The following LIN28B variants were observed in gnomAD, a reference collection of about 807,000 sequenced individuals.
The protein encoded by LIN28B is lin-28 RNA binding posttranscriptional regulator B, also known as protein lin-28 homolog B.
Under a neutral mutation model 21.9 loss-of-function variants are expected in LIN28B, and 5 were observed. That is an observed-to-expected ratio of 0.23 (90% CI 0.12 to 0.48). The LOEUF is 0.48. Among genes scored for constraint, LIN28B ranks in the 20% least tolerant of loss-of-function variants. The pLI is 0.98. For synonymous variants in LIN28B, 109 were observed against 111.3 expected (o/e 0.98, Z 0.13); for missense variants, 245 against 310.5 (o/e 0.79, Z 1.58).
chr6:104,995,848 G>A (rs942907557), intron 2 of LIN28B, among the ~76,000 whole-genome samples: 13 of 151,804 alleles, frequency 8.6e-5, no homozygotes, highest in African/African-American at 3.1e-4. Flanking sequence ...AAAAAAAATA[G>A]CTAAAGCCAA....
At chr6:105,039,131 A>G (rs1043714408) in intron 3 of LIN28B, among the ~76,000 whole-genome samples, 6 of 152,206 alleles carry the variant, frequency 3.9e-5, no homozygotes, top group African/African-American at 9.7e-5. Context: ...TTAAAAAATG[A>G]GATAGAATAA....
chr6:105,082,772 G>T lies in LIN28B; in HGVS notation c.*3989G>T, dbSNP rs901655554. 1 of 152,648 alleles carries T rather than the reference G, an allele frequency of 6.6e-6. No individual in the cohort carries two copies. Among genetic ancestry groups the T allele is most frequent in the Non-Finnish European group, 1.5e-5 (1 of 68,042 alleles). The allele number at this position is 152,648 out of a possible 1,614,324, so 9.5% of individuals were successfully genotyped here. A position where few individuals can be genotyped will look rare whatever the true frequency, so the allele number is the denominator to read the frequency against. On this transcript the variant is annotated 3_prime_UTR_variant, in exon 4 of 4. Coordinates refer to ENST00000345080, the MANE Select transcript of LIN28B (RefSeq NM_001004317.4). ...TAAATTTTATATTTGGAACAAAGCT[G>T]CAAGTTATGGTAAAGTACTGTACTG...
At chr6:105,058,191 G>C in intron 3 of LIN28B, 1 of 275,292 alleles carries the variant, frequency 3.6e-6, no homozygotes, top group Non-Finnish European at 7.2e-6. Flanking sequence ...TTCTCAGCTT[G>C]AGTTGTAGCC....
intron 2 of LIN28B, among the ~76,000 whole-genome samples, chr6:104,973,916 T>A (rs1355306684): frequency 2.0e-5 from 3 of 152,228 alleles, no homozygotes; most frequent in Non-Finnish European, 4.4e-5. Flanking sequence ...CATTGGATGG[T>A]TAAGTAGTTT....
rs564935084 is a variant in LIN28B at position 104,991,101 on chromosome 6, G to A, written c.198+32815G>A. Among the ~76,000 whole-genome samples, 28 of 151,958 alleles carry A rather than the reference G, an allele frequency of 1.8e-4. No homozygotes were observed. In the East Asian group the frequency reaches 4.1e-3, roughly 22 times the overall value. On this transcript the variant is annotated intron_variant, in intron 2 of 3. Transcript: ENST00000345080. ...TACACCTCCCAGACGGGGTGGCGGC[G>A]GGCAGAGGGGCTCCTCACTTCCCAG... is the stretch of plus-strand genomic sequence containing the variant.
intron 2 of LIN28B, among the ~76,000 whole-genome samples, chr6:104,959,766 T>G (rs1378497520): frequency 6.6e-6 from 1 of 152,220 alleles, no homozygotes; most frequent in East Asian, 1.9e-4. Context: ...CAAATCCATT[T>G]TCTCTCAGGC....
intron 3 of LIN28B, among the ~76,000 whole-genome samples, chr6:105,054,992 G>T (rs1050612074): frequency 1.3e-5 from 2 of 151,776 alleles, no homozygotes; most frequent in African/African-American, 4.8e-5. Flanking sequence ...CTTGTCAACT[G>T]GTCTTCATTA....
intron 3 of LIN28B, among the ~76,000 whole-genome samples, chr6:105,038,402 G>T (rs1462601500): frequency 6.6e-6 from 1 of 152,200 alleles, no homozygotes; most frequent in Admixed American, 6.5e-5. Context: ...CTGCCTCCGA[G>T]TGGACCAGTG....
chr6:104,982,165 C>A (rs951646956), intron 2 of LIN28B, among the ~76,000 whole-genome samples: 2 of 151,904 alleles, frequency 1.3e-5, no homozygotes, highest in African/African-American at 4.8e-5. Context: ...GTATAAAAAA[C>A]TTGCTGGGCG....
intron 3 of LIN28B, chr6:105,045,689 G>A (rs1771745474): frequency 2.0e-5 from 3 of 152,164 alleles, no homozygotes; most frequent in Admixed American, 1.3e-4. Context: ...CATATTAAAA[G>A]AGTTAATCAT....
intron 3 of LIN28B, among the ~76,000 whole-genome samples, chr6:105,042,740 T>G (rs1203026729): frequency 6.6e-6 from 1 of 152,210 alleles, no homozygotes; most frequent in East Asian, 1.9e-4. Flanking sequence ...TATCTTCAGA[T>G]GTCAGTGGGA....
chr6:104,965,841 G>GA (rs1769845565), intron 2 of LIN28B, among the ~76,000 whole-genome samples: 1 of 152,094 alleles, frequency 6.6e-6, no homozygotes, highest in African/African-American at 2.4e-5. Flanking sequence ...ATAAGCTAAA[G>GA]AAAAAATACT....
Position 105,049,923 on chromosome 6 carries a change from A to G in LIN28B, c.383+23441A>G, listed in dbSNP as rs190086660. Among the ~76,000 whole-genome samples, 230 of 152,272 alleles carry G rather than the reference A, an allele frequency of 1.5e-3. 1 individual carries two copies. The highest frequency in any genetic ancestry group is 4.9e-3 in the African/African-American group (204 of 41,542). ...TGCACGTGAGATGGGTTTCCTGAAT[A>G]CAGCACACTGATGGGTCTTGACTTT... is the stretch of plus-strand genomic sequence containing the variant. On this transcript the variant is annotated intron_variant, in intron 3 of 3. Coordinates refer to ENST00000345080, the MANE Select transcript of LIN28B (RefSeq NM_001004317.4).
intron 2 of LIN28B, among the ~76,000 whole-genome samples, chr6:104,973,364 G>T (rs1362842396): frequency 2.0e-5 from 3 of 151,962 alleles, no homozygotes; most frequent in Non-Finnish European, 2.9e-5. Flanking sequence ...GATTTATATT[G>T]TTCAATTTTC....
chr6:105,042,541 C>T (rs1003126968), intron 3 of LIN28B, among the ~76,000 whole-genome samples: 1 of 152,056 alleles, frequency 6.6e-6, no homozygotes, highest in African/African-American at 2.4e-5. Context: ...TTTCATCTGT[C>T]GTCTTGCTTT....
intron 2 of LIN28B, among the ~76,000 whole-genome samples, chr6:104,961,550 G>A (rs1195066171): frequency 1.3e-5 from 2 of 151,842 alleles, no homozygotes; most frequent in Admixed American, 6.6e-5. Context: ...ACAGGTGCCC[G>A]CCACCACGCC....
At chr6:105,030,870 T>A (rs1771409370) in intron 3 of LIN28B, among the ~76,000 whole-genome samples, 1 of 152,098 alleles carries the variant, frequency 6.6e-6, no homozygotes, top group African/African-American at 2.4e-5. Flanking sequence ...ATTACAGGCG[T>A]GAGCTACTGC....
chr6:105,057,056 T>C (rs1772035578), intron 3 of LIN28B, among the ~76,000 whole-genome samples: 1 of 152,212 alleles, frequency 6.6e-6, no homozygotes, highest in Admixed American at 6.5e-5. Context: ...AGAAGCCCAC[T>C]GAACCTATAT....
chr6:104,977,736 T>G (rs1582875061), intron 2 of LIN28B, among the ~76,000 whole-genome samples: 1 of 152,210 alleles, frequency 6.6e-6, no homozygotes, highest in South Asian at 2.1e-4. Flanking sequence ...CCTGGCTAAT[T>G]TTTGTATTTT....
Sources: gnomAD v4.1 joint callset for allele counts (sites outside exome capture counted in the v4.1 genomes callset) on GRCh38, gnomAD v4.1.1 for gene constraint, MANE v1.5 for transcripts, NCBI Gene and HGNC (gene_info 2026-07-23, HGNC 2026-07-21) for gene names.